The following SOX5 variants were observed in gnomAD, a reference collection of about 807,000 sequenced individuals.
The protein encoded by SOX5 is SRY-box transcription factor 5, also known as transcription factor SOX-5.
SOX5 carries 9 observed loss-of-function variants against 92.0 expected under a neutral mutation model. That is an observed-to-expected ratio of 0.10 (90% confidence interval 0.06 to 0.17). The LOEUF (loss-of-function observed/expected upper bound fraction) is 0.17. SOX5 is among the 10% of genes least tolerant of loss of function. SOX5 has a pLI of 1.00. For missense variants in SOX5, 642 were observed against 944.5 expected (o/e 0.68, Z 4.20); for synonymous variants, 344 against 336.3 (o/e 1.02, Z -0.25).
chr12:24,256,388 G>A (rs1029183420), intron 3 of SOX5, among the ~76,000 whole-genome samples: 3 of 152,056 alleles, frequency 2.0e-5, no homozygotes, highest in Non-Finnish European at 2.9e-5. Context: ...GCTTGACCAC[G>A]AAGATGAAAT....
chr12:24,443,536 A>G (rs1485828661), intron 1 of SOX5, among the ~76,000 whole-genome samples: 1 of 152,246 alleles, frequency 6.6e-6, no homozygotes, highest in Admixed American at 6.5e-5. Flanking sequence ...AGGTTCCTAC[A>G]AAGAAAAAAA....
At chr12:24,291,568 G>C (rs1423083798) in intron 2 of SOX5, among the ~76,000 whole-genome samples, 2 of 152,204 alleles carry the variant, frequency 1.3e-5, no homozygotes, top group African/African-American at 4.8e-5. Flanking sequence ...CACATAAAAT[G>C]TGCATATAGA....
intron 4 of SOX5, among the ~76,000 whole-genome samples, chr12:23,996,908 T>C (rs1951084021): frequency 6.6e-6 from 1 of 152,198 alleles, no homozygotes; most frequent in Admixed American, 6.6e-5. Flanking sequence ...GAAGTGATTG[T>C]ACAACACTGT....
At chr12:23,908,830 C>T (rs2097320593) in intron 1 of SOX5, among the ~76,000 whole-genome samples, 1 of 152,114 alleles carries the variant, frequency 6.6e-6, no homozygotes, top group Non-Finnish European at 1.5e-5. Context: ...CATGCCAAAG[C>T]TCCTTTGCTT....
intron 2 of SOX5, among the ~76,000 whole-genome samples, chr12:24,351,541 C>A (rs1357599483): frequency 6.6e-6 from 1 of 152,112 alleles, no homozygotes; most frequent in Non-Finnish European, 1.5e-5. Flanking sequence ...CCTTTAGGTA[C>A]CTAGGTTGAA....
intron 1 of SOX5, among the ~76,000 whole-genome samples, chr12:24,397,051 TG>T (rs1327186215): frequency 1.3e-5 from 2 of 152,220 alleles, no homozygotes; most frequent in East Asian, 1.9e-4. Flanking sequence ...GCCACCTTCC[TG>T]GAAGTACCAT....
intron 4 of SOX5, among the ~76,000 whole-genome samples, chr12:24,195,292 T>G (rs1956907225): frequency 4.6e-5 from 7 of 152,180 alleles, no homozygotes. Flanking sequence ...TCATCAATTT[T>G]TTTAAATTCA....
chr12:24,194,524 G>A (rs1956833901), intron 4 of SOX5, among the ~76,000 whole-genome samples: 1 of 152,006 alleles, frequency 6.6e-6, no homozygotes. Flanking sequence ...GCTTATACTT[G>A]GGAACAACAT....
At chr12:24,171,382 C>G (rs1305876298) in intron 4 of SOX5, among the ~76,000 whole-genome samples, 4 of 151,636 alleles carry the variant, frequency 2.6e-5, no homozygotes, top group East Asian at 1.9e-4. Flanking sequence ...TGCCACCGCA[C>G]CCGGCTAATT....
chr12:23,949,729 T>TCC (rs1279461491), upstream of SOX5: 1 of 985,456 alleles, frequency 1.0e-6, no homozygotes, highest in Admixed American at 3.3e-5. Flanking sequence ...CCTCCCTCCC[T>TCC]CCCTCTCTCT....
chr12:23,611,926 A>T (rs1333678080), intron 8 of SOX5, among the ~76,000 whole-genome samples: 3 of 117,664 alleles, frequency 2.5e-5, no homozygotes, highest in Non-Finnish European at 5.7e-5. Flanking sequence ...TTTTAAATTA[A>T]AAAAAAAAAA....
chr12:23,596,442 T>C (rs1952468864), intron 9 of SOX5, among the ~76,000 whole-genome samples: 2 of 152,180 alleles, frequency 1.3e-5, no homozygotes, highest in South Asian at 4.1e-4. Flanking sequence ...AATTCTTCTT[T>C]TATGAATAAG....
At chr12:24,375,261 C>T (rs1324279001) in intron 1 of SOX5, among the ~76,000 whole-genome samples, 1 of 152,014 alleles carries the variant, frequency 6.6e-6, no homozygotes, top group Admixed American at 6.5e-5. Flanking sequence ...GCGTGAGCCA[C>T]CGTGCCCTGC....
intron 3 of SOX5, among the ~76,000 whole-genome samples, chr12:23,812,421 T>C (rs1437847975): frequency 6.6e-6 from 1 of 152,146 alleles, no homozygotes; most frequent in Non-Finnish European, 1.5e-5. Flanking sequence ...AATTTGTTCT[T>C]CTTGGTAATA....
intron 4 of SOX5, among the ~76,000 whole-genome samples, chr12:23,977,783 G>A: frequency 7.9e-6 from 1 of 127,386 alleles, no homozygotes; most frequent in East Asian, 3.0e-4. Context: ...ATAAATAAAT[G>A]CCTTCCTTGT....
intron 3 of SOX5, among the ~76,000 whole-genome samples, chr12:23,820,679 G>A (rs965800915): frequency 1.3e-5 from 2 of 152,130 alleles, no homozygotes; most frequent in Non-Finnish European, 1.5e-5. Flanking sequence ...ATTAAACAGG[G>A]AATCCTTTCC....
At chr12:23,771,352 A>G (rs1166124713) in intron 3 of SOX5, among the ~76,000 whole-genome samples, 1 of 152,112 alleles carries the variant, frequency 6.6e-6, no homozygotes, top group Non-Finnish European at 1.5e-5. Flanking sequence ...CAAAAGACCT[A>G]CTGTCACTGA....
At chr12:24,304,907 T>C (rs1160421018) in intron 2 of SOX5, among the ~76,000 whole-genome samples, 1 of 152,146 alleles carries the variant, frequency 6.6e-6, no homozygotes, top group Non-Finnish European at 1.5e-5. Context: ...CCATTTCCAA[T>C]ACCGCTGACT....
At chr12:24,290,264 CAG>C (rs1327897537) in intron 2 of SOX5, among the ~76,000 whole-genome samples, 10 of 152,140 alleles carry the variant, frequency 6.6e-5, no homozygotes, top group Admixed American at 2.6e-4. Context: ...ATATCTTAGT[CAG>C]TAAACAGAGG....
Sources: allele counts gnomAD v4.1 joint callset (sites outside exome capture counted in the v4.1 genomes callset), GRCh38; gene constraint gnomAD v4.1.1; transcripts MANE v1.5; gene names NCBI Gene and HGNC (gene_info 2026-07-23, HGNC 2026-07-21).